RSU1: variants seen among roughly 807,000 people sequenced by gnomAD.
The protein encoded by RSU1 is Ras suppressor protein 1, also known as rsu-1.
A neutral mutation model predicts 31.1 loss-of-function variants in RSU1; 26 were observed. That is an observed-to-expected ratio of 0.84 (90% CI 0.61 to 1.16). The LOEUF is 1.16. RSU1 is among the 50% of genes most tolerant of loss of function. The pLI is 0.00. For missense variants in RSU1, 320 were observed against 339.1 expected, an observed-to-expected ratio of 0.94 and a Z score of 0.44; for synonymous variants, 164 against 136.3, an observed-to-expected ratio of 1.20 and a Z score of -1.41.
rs566988133 is a variant in RSU1 at position 16,816,083 on chromosome 10, C to G, written c.109+890G>C. Among the ~76,000 whole-genome samples, 4 of 152,334 alleles carry G rather than the reference C, an allele frequency of 2.6e-5. No homozygotes were observed. In the East Asian group the frequency reaches 7.7e-4, roughly 29 times the overall value. ...GAGAGGGTTTAAACCAAAGCCACGT[C>G]AGCCTGAAGAACTGCTTTAGCTCAC... On this transcript the variant is annotated intron_variant, in intron 2 of 8. Transcript: ENST00000345264.
At chr10:16,698,779 A>G (rs1835730109) in intron 7 of RSU1, among the ~76,000 whole-genome samples, 1 of 152,224 alleles carries the variant, frequency 6.6e-6, no homozygotes, top group Admixed American at 6.5e-5. Flanking sequence ...TCTACAAGTC[A>G]GAGTTAACAG....
intron 8 of RSU1, among the ~76,000 whole-genome samples, chr10:16,674,233 G>A (rs1442451061): frequency 6.6e-6 from 1 of 152,046 alleles, no homozygotes; most frequent in Non-Finnish European, 1.5e-5. Flanking sequence ...GCTAAAAAGA[G>A]CGACTAGATT....
intron 3 of RSU1, among the ~76,000 whole-genome samples, chr10:16,772,011 C>T (rs756162867): frequency 6.6e-5 from 10 of 152,164 alleles, no homozygotes; most frequent in Non-Finnish European, 1.3e-4. Flanking sequence ...GGGACCTGTG[C>T]CCCAAAAGCA....
chr10:16,632,572 C>T (rs1369418897), intron 8 of RSU1, among the ~76,000 whole-genome samples: 4 of 152,164 alleles, frequency 2.6e-5, no homozygotes, highest in African/African-American at 4.8e-5. Flanking sequence ...ACCACCATGC[C>T]CCACAACACC....
At chr10:16,745,834 C>T (rs1314853398) in intron 7 of RSU1, among the ~76,000 whole-genome samples, 1 of 152,180 alleles carries the variant, frequency 6.6e-6, no homozygotes, top group Non-Finnish European at 1.5e-5. Flanking sequence ...CTATCCTCTA[C>T]TGTTTACATT....
At chr10:16,794,519 A>AC (rs1311185146) in intron 2 of RSU1, among the ~76,000 whole-genome samples, 2 of 152,356 alleles carry the variant, frequency 1.3e-5, no homozygotes, top group Non-Finnish European at 2.9e-5. Flanking sequence ...TGTGTAACAC[A>AC]AAACTTATGC....
At chr10:16,808,485 G>GAAAAAAAAAAAAAAAAAAAAAAAAAA (rs34449677) in intron 2 of RSU1, among the ~76,000 whole-genome samples, 1 of 89,616 alleles carries the variant, frequency 1.1e-5, no homozygotes. Context: ...CTCCATTTAA[G>GAAAAAAAAAAAAAAAAAAAAAAAAAA]AAAAAAAAAA....
intron 2 of RSU1, among the ~76,000 whole-genome samples, chr10:16,800,494 C>G (rs916500867): frequency 6.6e-6 from 1 of 152,164 alleles, no homozygotes; most frequent in Admixed American, 6.5e-5. Context: ...AGGAAAGAAT[C>G]AGTGATCTTG....
At chr10:16,671,086 G>A (rs1285373632) in intron 8 of RSU1, among the ~76,000 whole-genome samples, 1 of 152,092 alleles carries the variant, frequency 6.6e-6, no homozygotes, top group Non-Finnish European at 1.5e-5. Context: ...TAAAGCTCCT[G>A]AAATGACTGA....
chr10:16,664,649 A>G (rs576522527), intron 8 of RSU1, among the ~76,000 whole-genome samples: 40 of 152,332 alleles, frequency 2.6e-4, no homozygotes, highest in Admixed American at 7.8e-4. Context: ...CTTTTTACCT[A>G]CGCAAAGAGA....
chr10:16,622,646 A>G (rs2131480898), intron 8 of RSU1, among the ~76,000 whole-genome samples: 1 of 152,340 alleles, frequency 6.6e-6, no homozygotes, highest in South Asian at 2.1e-4. Flanking sequence ...TCGAGGAGAG[A>G]AAAGCATATC....
At chr10:16,722,651 A>G (rs1836289722) in intron 7 of RSU1, among the ~76,000 whole-genome samples, 1 of 152,182 alleles carries the variant, frequency 6.6e-6, no homozygotes, top group Non-Finnish European at 1.5e-5. Flanking sequence ...TTATGGGTCT[A>G]CATAGCATTT....
intron 7 of RSU1, among the ~76,000 whole-genome samples, chr10:16,748,741 C>G (rs1302935847): frequency 6.6e-6 from 1 of 152,108 alleles, no homozygotes; most frequent in African/African-American, 2.4e-5. Flanking sequence ...GACCTTTGCA[C>G]TTACCATTCT....
chr10:16,784,388 A>T (rs1837725729), intron 2 of RSU1, among the ~76,000 whole-genome samples: 1 of 152,144 alleles, frequency 6.6e-6, no homozygotes, highest in South Asian at 2.1e-4. Context: ...ATAAAGAAAC[A>T]CCTGAGACTG....
intron 4 of RSU1, among the ~76,000 whole-genome samples, chr10:16,756,137 C>A (rs529086090): frequency 2.6e-5 from 4 of 152,128 alleles, no homozygotes; most frequent in African/African-American, 9.6e-5. Context: ...CAACTGCTAA[C>A]ACTGAAAATT....
chr10:16,720,404 CAT>C (rs1433905397), intron 7 of RSU1, among the ~76,000 whole-genome samples: 4 of 152,152 alleles, frequency 2.6e-5, no homozygotes, highest in African/African-American at 9.7e-5. Flanking sequence ...CAGAAATGCA[CAT>C]AGTCACTACA....
chr10:16,643,382 T>C (rs1478634380), intron 8 of RSU1, among the ~76,000 whole-genome samples: 1 of 152,156 alleles, frequency 6.6e-6, no homozygotes, highest in East Asian at 1.9e-4. Flanking sequence ...CATTAAAAAA[T>C]TGGCTAGATT....
chr10:16,630,696 T>C (rs1449036077), intron 8 of RSU1, among the ~76,000 whole-genome samples: 3 of 152,216 alleles, frequency 2.0e-5, no homozygotes, highest in Non-Finnish European at 4.4e-5. Flanking sequence ...GCAGTGGTCA[T>C]GATCCATTTA....
In RSU1 at chr10:16,785,441, CACATATAT is replaced by C. The variant is rs1246350166; in HGVS notation, c.110-3365_110-3358del. On this transcript the variant is annotated intron_variant, in intron 2 of 8. Coordinates refer to ENST00000345264, the MANE Select transcript of RSU1 (RefSeq NM_012425.4). ...ATACATATATACATATATATATATA[CACATATAT>C]ACATATATACATATATATATACACA... 4.1e-4 allele frequency among the ~76,000 whole-genome samples: 56 copies of C among 137,590 alleles called. 2 individuals are homozygous for C. The East Asian group carries it at 7.4e-3, about 18-fold the overall frequency. 90.3% of individuals were successfully genotyped at this position (137,590 alleles called of 152,430 possible).
Sources: allele counts gnomAD v4.1 joint callset (sites outside exome capture counted in the v4.1 genomes callset), GRCh38; gene constraint gnomAD v4.1.1; transcripts MANE v1.5; gene names NCBI Gene and HGNC (gene_info 2026-07-23, HGNC 2026-07-21).